CYYR1: variants seen among roughly 807,000 people sequenced by gnomAD.
CYYR1 encodes the protein cysteine and tyrosine-rich protein 1.
In CYYR1, 14 loss-of-function variants were observed where a neutral mutation model predicts 15.2. The observed-to-expected ratio is 0.92, with a 90% CI of 0.61 to 1.44. CYYR1 has a LOEUF of 1.44. Ranked by LOEUF, CYYR1 falls within the 40% of genes most tolerant of loss-of-function variation. The pLI, the probability that CYYR1 is intolerant of heterozygous loss-of-function variation, is 0.00. For synonymous variants in CYYR1, 80 were observed against 77.4 expected, an observed-to-expected ratio of 1.03 and a Z score of -0.18; for missense variants, 228 against 209.5, an observed-to-expected ratio of 1.09 and a Z score of -0.54.
rs1273486025 is a variant in CYYR1 at position 26,485,250 on chromosome 21, G to A, written c.177-4821C>T. On this transcript the variant is annotated intron_variant, in intron 2 of 3. Coordinates refer to ENST00000652641, the MANE Select transcript of CYYR1 (RefSeq NM_001320768.2). ...GAAGTGTAAAAAGAGTACAGAGAGAGCTCACGTACCCTTCACCCAGTTTCC... is the reference window on the plus strand; with the variant it reads ...GAAGTGTAAAAAGAGTACAGAGAGAACTCACGTACCCTTCACCCAGTTTCC... 2.6e-5 allele frequency among the ~76,000 whole-genome samples: 4 copies of A among 151,910 alleles called. No homozygotes were observed. In the South Asian group the frequency reaches 8.3e-4, roughly 31 times the overall value.
At chr21:26,532,213 T>C (rs572813161) in intron 2 of CYYR1, among the ~76,000 whole-genome samples, 1 of 152,280 alleles carries the variant, frequency 6.6e-6, no homozygotes, top group East Asian at 1.9e-4. Flanking sequence ...CTGAAATGGT[T>C]CTGAATCAAG....
chr21:26,568,824 G>A (rs2123745454), intron 1 of CYYR1: 1 of 152,212 alleles, frequency 6.6e-6, no homozygotes, highest in Non-Finnish European at 1.5e-5. Context: ...CTCAAAAGAA[G>A]ACATACAAGC....
chr21:26,481,425 T>A (rs765620478), intron 2 of CYYR1, among the ~76,000 whole-genome samples: 12 of 152,086 alleles, frequency 7.9e-5, no homozygotes, highest in Non-Finnish European at 7.4e-5. Context: ...GAGATCCACA[T>A]GGATTGAAGT....
At chr21:26,469,579 A>T (rs947590333) in intron 3 of CYYR1, among the ~76,000 whole-genome samples, 1 of 152,186 alleles carries the variant, frequency 6.6e-6, no homozygotes, top group African/African-American at 2.4e-5. Flanking sequence ...TAATCAAATC[A>T]GGGCAACTGG....
At chr21:26,529,203 TG>T (rs1342598229) in intron 2 of CYYR1, among the ~76,000 whole-genome samples, 1 of 152,182 alleles carries the variant, frequency 6.6e-6, no homozygotes, top group Non-Finnish European at 1.5e-5. Context: ...CATTTAGAGG[TG>T]GCAATTTGAA....
intron 2 of CYYR1, among the ~76,000 whole-genome samples, chr21:26,508,904 A>C (rs920880603): frequency 2.6e-5 from 4 of 152,226 alleles, no homozygotes; most frequent in African/African-American, 7.2e-5. Context: ...TAAGACCACG[A>C]GCATTGGTTT....
At chr21:26,550,378 T>A (rs891701417) in intron 2 of CYYR1, 1 of 152,118 alleles carries the variant, frequency 6.6e-6, no homozygotes, top group Non-Finnish European at 1.5e-5. Flanking sequence ...AACTCTACAA[T>A]GGCCTCTAAG....
chr21:26,568,817 A>T (rs1980821915), intron 1 of CYYR1: 1 of 152,256 alleles, frequency 6.6e-6, no homozygotes, highest in Admixed American at 6.5e-5. Flanking sequence ...GACACTTCTC[A>T]AAAGAAGACA....
intron 2 of CYYR1, among the ~76,000 whole-genome samples, chr21:26,527,773 C>A: frequency 6.6e-6 from 1 of 152,010 alleles, no homozygotes; most frequent in East Asian, 1.9e-4. Flanking sequence ...TTTATAGGTC[C>A]CGGGAGAATA....
chr21:26,513,388 G>A (rs919899653), intron 2 of CYYR1, among the ~76,000 whole-genome samples: 1 of 152,200 alleles, frequency 6.6e-6, no homozygotes, highest in African/African-American at 2.4e-5. Flanking sequence ...CTAGGACTAG[G>A]AGCCATGCCA....
intron 2 of CYYR1, among the ~76,000 whole-genome samples, chr21:26,511,855 C>G (rs1043304405): frequency 5.9e-5 from 9 of 152,058 alleles, no homozygotes; most frequent in African/African-American, 1.9e-4. Context: ...GGTCATGGTG[C>G]CAAGTTGATG....
chr21:26,572,590 A>G (rs1460507762), intron 1 of CYYR1, among the ~76,000 whole-genome samples: 1 of 152,214 alleles, frequency 6.6e-6, no homozygotes, highest in African/African-American at 2.4e-5. Flanking sequence ...CTCTATCCAG[A>G]GAGTCAAATC....
In CYYR1 at chr21:26,566,323, C is replaced by A. The variant is rs748584453; in HGVS notation, c.119G>T (p.Cys40Phe). The A allele has an allele frequency of 1.9e-6, 3 of 1,613,906 alleles. No homozygotes were observed. In the African/African-American group the frequency reaches 4.0e-5, roughly 22 times the overall value. The change falls in exon 2 of 4, where the codon TGT (cysteine) becomes TTT (phenylalanine). Residue 40 changes from cysteine to phenylalanine, a missense_variant. Transcript: ENST00000652641. Reference protein sequence around the residue: ...QCGKDCKSYCCDGTTPYCCSY... With the variant: ...QCGKDCKSYCFDGTTPYCCSY... ...GCAACAGTAGGGCGTGGTTCCATCA[C>A]AGCAGTAAGATTTGCAATCTTTGCC...
intron 2 of CYYR1, among the ~76,000 whole-genome samples, chr21:26,517,109 C>T (rs1458056034): frequency 2.6e-5 from 2 of 78,104 alleles, no homozygotes; most frequent in East Asian, 6.7e-4. Flanking sequence ...AGCGAGACTC[C>T]GTCTCAAAAA....
chr21:26,540,264 C>T (rs1281240133), intron 2 of CYYR1, among the ~76,000 whole-genome samples: 2 of 152,080 alleles, frequency 1.3e-5, no homozygotes, highest in African/African-American at 2.4e-5. Flanking sequence ...CCCAAAGCCA[C>T]CATAAATTGG....
chr21:26,475,072 A>T (rs1006617153), intron 3 of CYYR1, among the ~76,000 whole-genome samples: 4 of 152,194 alleles, frequency 2.6e-5, no homozygotes, highest in Admixed American at 6.5e-5. Context: ...AAAAATGCAC[A>T]ATGATGCTGA....
At chr21:26,499,818 T>C (rs1242432759) in intron 2 of CYYR1, among the ~76,000 whole-genome samples, 1 of 150,456 alleles carries the variant, frequency 6.6e-6, no homozygotes, top group African/African-American at 2.4e-5. Context: ...GGAGGAGCAA[T>C]GAACAGAACA....
At chr21:26,519,610 A>G (rs114710481) in intron 2 of CYYR1, among the ~76,000 whole-genome samples, 100 of 152,332 alleles carry the variant, frequency 6.6e-4, no homozygotes, top group African/African-American at 2.1e-3. Context: ...AAAGTACTGA[A>G]GCGTTTTGAG....
Position 26,466,787 on chromosome 21 carries a change from G to A in CYYR1, c.*1714C>T, listed in dbSNP as rs2064973139. The A allele has an allele frequency of 6.6e-6, 1 of 152,124 alleles. No individual in the cohort carries two copies. Among genetic ancestry groups the A allele is most frequent in the Non-Finnish European group, 1.5e-5 (1 of 68,012 alleles). 9.4% of individuals were successfully genotyped at this position (152,124 alleles called of 1,614,324 possible). ...ATTAAAATTGCACTGAAAACTTTAT[G>A]TAAGTCAGGGAGCCCCTCACCAGAA... is the stretch of plus-strand genomic sequence containing the variant. On this transcript the variant is annotated 3_prime_UTR_variant, in exon 4 of 4. Transcript: ENST00000652641.
Sources: allele counts gnomAD v4.1 joint callset (sites outside exome capture counted in the v4.1 genomes callset), GRCh38; gene constraint gnomAD v4.1.1; transcripts MANE v1.5; gene names NCBI Gene and HGNC (gene_info 2026-07-23, HGNC 2026-07-21).